MYPN: variants seen among roughly 807,000 people sequenced by gnomAD.
The protein encoded by MYPN is myopalladin.
Under a neutral mutation model 129.4 loss-of-function variants are expected in MYPN, and 63 were observed. That is an observed-to-expected ratio of 0.49 (90% confidence interval 0.40 to 0.60). MYPN has a LOEUF of 0.60. Ranked by LOEUF, MYPN falls within the 20% of genes least tolerant of loss-of-function variation. The probability of loss-of-function intolerance (pLI) is 0.00; values close to 1 mark genes in which losing one functional copy is unlikely to be tolerated. For synonymous variants in MYPN, 629 were observed against 600.9 expected, an observed-to-expected ratio of 1.05 and a Z score of -0.68; for missense variants, 1,596 against 1,635.4, an observed-to-expected ratio of 0.98 and a Z score of 0.42.
rs773138815 is a variant in MYPN, at chr10:68,210,491, T to C, written c.*36T>C. The stretch of plus-strand genomic sequence containing the variant: ...GTACCTGCTGTGTAAGAGAGCGGAC[T>C]GTGGAGGGGGAATGAGAACAAGCCA... On this transcript the variant is annotated 3_prime_UTR_variant, in exon 20 of 20. Coordinates refer to ENST00000358913, the MANE Select transcript of MYPN (RefSeq NM_032578.4). 5.6e-6 allele frequency: 9 copies of C among 1,611,782 alleles called. No individual in the cohort carries two copies. The highest frequency in any genetic ancestry group is 7.6e-6 in the Non-Finnish European group (9 of 1,179,044).
At position 68,115,276 on chromosome 10, in the gene MYPN, A is replaced by AG. The variant is rs1344943393; in HGVS notation, c.-2+5553_-2+5554insG. Among the ~76,000 whole-genome samples, 8 of 151,926 alleles carry AG rather than the reference A, an allele frequency of 5.3e-5. No individual in the cohort carries two copies. The East Asian group carries it at 1.4e-3, about 26-fold the overall frequency. On this transcript the variant is annotated intron_variant, in intron 1 of 19. Coordinates refer to ENST00000358913, the MANE Select transcript of MYPN (RefSeq NM_032578.4). ...TCCATCTCAAAAAAAAAAAAAAAAA[A>AG]AAAAGTCAAATGACACTCTGAATAC...
intron 15 of MYPN, among the ~76,000 whole-genome samples, chr10:68,197,109 A>T (rs2043620278): frequency 6.6e-6 from 1 of 152,158 alleles, no homozygotes; most frequent in African/African-American, 2.4e-5. Context: ...GACAGAAAGA[A>T]GCTAAGCCTG....
chr10:68,141,266 G>A (rs747236151), intron 2 of MYPN, among the ~76,000 whole-genome samples: 6 of 152,248 alleles, frequency 3.9e-5, no homozygotes, highest in East Asian at 1.9e-4. Flanking sequence ...CTACTCGGGA[G>A]GCTGAGGCAG....
intron 1 of MYPN, among the ~76,000 whole-genome samples, chr10:68,097,268 C>G (rs1299914182): frequency 2.0e-5 from 3 of 152,160 alleles, no homozygotes; most frequent in African/African-American, 7.2e-5. Flanking sequence ...ACTCATCACC[C>G]TTGGCACTAA....
chr10:68,152,453 T>C (rs1334900854), intron 6 of MYPN, among the ~76,000 whole-genome samples: 1 of 152,098 alleles, frequency 6.6e-6, no homozygotes, highest in African/African-American at 2.4e-5. Flanking sequence ...GGTTGACACA[T>C]GTCACCCAGA....
At chr10:68,128,246 TTC>T (rs2042355923) in intron 2 of MYPN, among the ~76,000 whole-genome samples, 1 of 152,228 alleles carries the variant, frequency 6.6e-6, no homozygotes, top group Non-Finnish European at 1.5e-5. Context: ...CAGCTCCAAA[TTC>T]TTTCCCCAGG....
chr10:68,102,637 T>A (rs574742663), upstream of MYPN, among the ~76,000 whole-genome samples: 2 of 152,364 alleles, frequency 1.3e-5, no homozygotes, highest in South Asian at 4.1e-4. Flanking sequence ...GCATTCAGTG[T>A]TGCTGTTGGG....
intron 19 of MYPN, among the ~76,000 whole-genome samples, chr10:68,207,524 G>A (rs1193613375): frequency 3.3e-5 from 5 of 152,118 alleles, no homozygotes; most frequent in South Asian, 2.1e-4. Flanking sequence ...CCTTGCTGCC[G>A]CGGGCCACCC....
At chr10:68,135,299 C>T (rs958864487) in intron 2 of MYPN, among the ~76,000 whole-genome samples, 4 of 152,154 alleles carry the variant, frequency 2.6e-5, no homozygotes, top group African/African-American at 9.7e-5. Flanking sequence ...ACATATCCTC[C>T]CACTTACACT....
intron 16 of MYPN, among the ~76,000 whole-genome samples, chr10:68,199,072 C>G (rs1254220289): frequency 6.6e-6 from 1 of 151,932 alleles, no homozygotes; most frequent in Non-Finnish European, 1.5e-5. Context: ...GAAATTGATG[C>G]TGCAGGCCTA....
At chr10:68,141,241 C>T (rs981080045) in intron 2 of MYPN, among the ~76,000 whole-genome samples, 2 of 151,888 alleles carry the variant, frequency 1.3e-5, no homozygotes, top group Non-Finnish European at 2.9e-5. Context: ...TGGTGGTGTG[C>T]ACCTGTAGCC....
chr10:68,101,113 A>C (rs1225287973), intron 1 of MYPN, among the ~76,000 whole-genome samples: 1 of 152,206 alleles, frequency 6.6e-6, no homozygotes, highest in Non-Finnish European at 1.5e-5. Context: ...GAACTGAGTG[A>C]CCTAAAAAGA....
chr10:68,107,492 C>T (rs987379191), upstream of MYPN, among the ~76,000 whole-genome samples: 1 of 149,852 alleles, frequency 6.7e-6, no homozygotes, highest in Non-Finnish European at 1.5e-5. Context: ...AGGCATGCAC[C>T]TCTACGCCCT....
At chr10:68,112,340 G>C (rs528732578) in intron 1 of MYPN, among the ~76,000 whole-genome samples, 2 of 152,232 alleles carry the variant, frequency 1.3e-5, no homozygotes, top group African/African-American at 4.8e-5. Context: ...CTACATGTTT[G>C]TCATCCTCTG....
chr10:68,142,216 G>A (rs958018202), intron 2 of MYPN, among the ~76,000 whole-genome samples: 13 of 152,254 alleles, frequency 8.5e-5, no homozygotes, highest in Non-Finnish European at 1.2e-4. Context: ...AATCTTCTAC[G>A]TGAAGAATGG....
At chr10:68,194,541 G>A in intron 14 of MYPN, 29 bp downstream of exon 14, 1 of 1,610,916 alleles carries the variant, frequency 6.2e-7, no homozygotes, top group South Asian at 1.1e-5. Context: ...GCGCTGTGCT[G>A]CACTCTGAGG....
chr10:68,157,859 C>CAAACAA (rs141372152), intron 6 of MYPN, among the ~76,000 whole-genome samples: 196 of 144,598 alleles, frequency 1.4e-3, no homozygotes, highest in Non-Finnish European at 2.4e-3. Context: ...AACAAACAAA[C>CAAACAA]AAAAAAAAAC....
intron 2 of MYPN, among the ~76,000 whole-genome samples, chr10:68,130,428 C>T (rs2134022076): frequency 6.6e-6 from 1 of 151,652 alleles, no homozygotes; most frequent in African/African-American, 2.4e-5. Context: ...CCATTGCACT[C>T]CAGCCTGGGT....
chr10:68,165,382 G>A (rs2043037295), intron 8 of MYPN: 1 of 446,462 alleles, frequency 2.2e-6, no homozygotes, highest in Admixed American at 2.5e-5. Flanking sequence ...AACCTGGGAG[G>A]CGGAGGTTGC....
Sources: allele counts gnomAD v4.1 joint callset (sites outside exome capture counted in the v4.1 genomes callset), GRCh38; gene constraint gnomAD v4.1.1; transcripts MANE v1.5; gene names NCBI Gene and HGNC (gene_info 2026-07-23, HGNC 2026-07-21).